SGCZ: variants seen among roughly 807,000 people sequenced by gnomAD.
SGCZ encodes sarcoglycan zeta, also known as zeta-sarcoglycan.
Under a neutral mutation model 41.3 loss-of-function variants are expected in SGCZ, and 40 were observed. That is an observed-to-expected ratio of 0.97 (90% CI 0.75 to 1.26). The LOEUF (loss-of-function observed/expected upper bound fraction) is 1.26, where lower values mean the gene tolerates loss of function less well. SGCZ is among the 50% of genes most tolerant of loss of function. The probability of loss-of-function intolerance (pLI) is 0.00; values close to 1 mark genes in which losing one functional copy is unlikely to be tolerated. For synonymous variants in SGCZ, 206 were observed against 137.5 expected, an observed-to-expected ratio of 1.50 and a Z score of -3.49; for missense variants, 552 against 369.8, an observed-to-expected ratio of 1.49 and a Z score of -4.04.
At chr8:14,667,830 A>G (rs921311925) in intron 1 of SGCZ, among the ~76,000 whole-genome samples, 2 of 152,166 alleles carry the variant, frequency 1.3e-5, no homozygotes, top group Admixed American at 1.3e-4. Flanking sequence ...GATAATGAAA[A>G]ACAATTAGAA....
chr8:15,147,829 A>C (rs958762789), intron 1 of SGCZ, among the ~76,000 whole-genome samples: 1 of 152,104 alleles, frequency 6.6e-6, no homozygotes, highest in Non-Finnish European at 1.5e-5. Context: ...GATGTCTATT[A>C]ATTTTTTCCA....
intron 1 of SGCZ, among the ~76,000 whole-genome samples, chr8:14,955,767 T>C (rs1050957717): frequency 3.3e-5 from 5 of 152,186 alleles, no homozygotes; most frequent in African/African-American, 1.2e-4. Context: ...ATAATCCAAA[T>C]ATCACTTTTG....
intron 1 of SGCZ, among the ~76,000 whole-genome samples, chr8:14,724,451 A>T (rs1809988732): frequency 6.6e-6 from 1 of 151,920 alleles, no homozygotes; most frequent in Non-Finnish European, 1.5e-5. Flanking sequence ...AAACTATTGT[A>T]TTATTATATT....
intron 3 of SGCZ, among the ~76,000 whole-genome samples, chr8:14,278,456 C>G (rs1210230841): frequency 2.0e-5 from 3 of 152,018 alleles, no homozygotes; most frequent in Non-Finnish European, 4.4e-5. Context: ...GCAAAGTGAC[C>G]TCAATGGAAA....
At chr8:14,572,030 CAT>C (rs1188729396) in intron 1 of SGCZ, among the ~76,000 whole-genome samples, 4 of 152,128 alleles carry the variant, frequency 2.6e-5, no homozygotes, top group Non-Finnish European at 4.4e-5. Flanking sequence ...TGAAAATCCA[CAT>C]ATTAAAATTC....
rs1585226160 is a variant in SGCZ at position 14,201,622 on chromosome 8, G to A, written c.424+35970C>T. 2.0e-5 allele frequency among the ~76,000 whole-genome samples: 3 copies of A among 152,272 alleles called. No individual in the cohort carries two copies. In the South Asian group the frequency reaches 6.2e-4, roughly 32 times the overall value. On this transcript the variant is annotated intron_variant, in intron 4 of 7. Transcript: ENST00000382080. ...CCGTAGATCTAGAAATTGATGAGAA[G>A]TGTCAGGGGAGTGGATGCTAGGTTT...
chr8:15,224,906 A>G (rs1159969378), intron 1 of SGCZ, among the ~76,000 whole-genome samples: 1 of 152,174 alleles, frequency 6.6e-6, no homozygotes, highest in Non-Finnish European at 1.5e-5. Flanking sequence ...GGAAAATATA[A>G]TTTTAAACTT....
chr8:14,417,676 G>T (rs1219756320), intron 2 of SGCZ, among the ~76,000 whole-genome samples: 1 of 151,644 alleles, frequency 6.6e-6, no homozygotes, highest in Non-Finnish European at 1.5e-5. Flanking sequence ...TACTAATAAC[G>T]TATTGTACTC....
At chr8:14,143,811 GGA>G (rs1225190046) in intron 5 of SGCZ, among the ~76,000 whole-genome samples, 2 of 152,108 alleles carry the variant, frequency 1.3e-5, no homozygotes, top group African/African-American at 4.8e-5. Flanking sequence ...GCAGTAGTAA[GGA>G]GAGGAGAATG....
intron 1 of SGCZ, among the ~76,000 whole-genome samples, chr8:15,060,461 T>C (rs1037658755): frequency 3.0e-5 from 4 of 135,076 alleles, no homozygotes; most frequent in East Asian, 2.3e-4. Flanking sequence ...TAGGTGGGAA[T>C]TGAACAATGA....
intron 1 of SGCZ, among the ~76,000 whole-genome samples, chr8:15,119,127 A>G (rs1478745307): frequency 1.3e-5 from 2 of 152,208 alleles, no homozygotes; most frequent in Non-Finnish European, 2.9e-5. Context: ...GGGTGTAATG[A>G]GCCATTTGTT....
chr8:14,322,909 C>T (rs1271301854), intron 3 of SGCZ, among the ~76,000 whole-genome samples: 2 of 152,028 alleles, frequency 1.3e-5, no homozygotes, highest in East Asian at 1.9e-4. Flanking sequence ...TTCCGCTTTT[C>T]ACAAAAACAA....
At chr8:14,926,157 T>C (rs1308657798) in intron 1 of SGCZ, among the ~76,000 whole-genome samples, 1 of 152,218 alleles carries the variant, frequency 6.6e-6, no homozygotes, top group Non-Finnish European at 1.5e-5. Flanking sequence ...TATTTCATTT[T>C]TTCAGCAACA....
At chr8:15,158,333 A>C in intron 1 of SGCZ, among the ~76,000 whole-genome samples, 1 of 152,004 alleles carries the variant, frequency 6.6e-6, no homozygotes, top group East Asian at 1.9e-4. Context: ...TTTGCTAGCT[A>C]TTTGTGGAAT....
chr8:14,144,239 C>A lies in SGCZ; in HGVS notation c.547+20341G>T, dbSNP rs151053212. Among the ~76,000 whole-genome samples, 1,158 of 152,250 alleles carry A rather than the reference C, an allele frequency of 7.6e-3. 12 individuals are homozygous for A. The highest frequency in any genetic ancestry group is 0.012 in the Non-Finnish European group (816 of 68,014). ...CTCCAAATGAGACCCCATCCTTCCA[C>A]TTAAAGAGAGGAAAGTGGATACTTT... On this transcript the variant is annotated intron_variant, in intron 5 of 7. Transcript: ENST00000382080.
At chr8:14,633,579 A>T (rs534027953) in intron 1 of SGCZ, among the ~76,000 whole-genome samples, 2 of 152,038 alleles carry the variant, frequency 1.3e-5, no homozygotes, top group East Asian at 3.9e-4. Flanking sequence ...TATTTTACAC[A>T]ACTTTCTGGG....
At chr8:14,253,810 C>T (rs1471213133) in intron 3 of SGCZ, among the ~76,000 whole-genome samples, 2 of 152,080 alleles carry the variant, frequency 1.3e-5, no homozygotes, top group Non-Finnish European at 2.9e-5. Flanking sequence ...ATCTAATAAA[C>T]ATTAGCAAAT....
At chr8:14,249,784 G>A (rs2117203256) in intron 3 of SGCZ, among the ~76,000 whole-genome samples, 1 of 152,218 alleles carries the variant, frequency 6.6e-6, no homozygotes, top group African/African-American at 2.4e-5. Flanking sequence ...AATGACTGGA[G>A]CGATTTCAAA....
At chr8:14,655,093 C>T (rs1316813595) in intron 1 of SGCZ, among the ~76,000 whole-genome samples, 1 of 152,022 alleles carries the variant, frequency 6.6e-6, no homozygotes, top group Admixed American at 6.6e-5. Flanking sequence ...AAATATTGTA[C>T]ATTATGAGTA....
Sources: allele counts gnomAD v4.1 joint callset (sites outside exome capture counted in the v4.1 genomes callset), GRCh38; gene constraint gnomAD v4.1.1; transcripts MANE v1.5; gene names NCBI Gene and HGNC (gene_info 2026-07-23, HGNC 2026-07-21).